The following TRPV4 variants were observed in gnomAD, a reference collection of about 807,000 sequenced individuals.
TRPV4 encodes OSM9-like transient receptor potential channel 4.
Under a neutral mutation model 84.1 loss-of-function variants are expected in TRPV4, and 58 were observed. The observed-to-expected ratio is 0.69, with a 90% CI of 0.56 to 0.86. TRPV4 has a LOEUF of 0.86. TRPV4 is among the 40% of genes least tolerant of loss of function. The probability of loss-of-function intolerance (pLI) is 0.00; values close to 1 mark genes in which losing one functional copy is unlikely to be tolerated. For missense variants in TRPV4, 879 were observed against 1,181.1 expected, an observed-to-expected ratio of 0.74 and a Z score of 3.75; for synonymous variants, 489 against 500.9, an observed-to-expected ratio of 0.98 and a Z score of 0.32.
intron 14 of TRPV4, among the ~76,000 whole-genome samples, chr12:109,784,645 C>T (rs1427644780): frequency 6.6e-6 from 1 of 151,700 alleles, no homozygotes; most frequent in East Asian, 1.9e-4. Flanking sequence ...GCCTGGCCAA[C>T]ATGGTGAAAC....
At chr12:109,812,838 G>T (rs1891604887) in intron 2 of TRPV4, among the ~76,000 whole-genome samples, 1 of 152,182 alleles carries the variant, frequency 6.6e-6, no homozygotes, top group South Asian at 2.1e-4. Flanking sequence ...TGGTTATATG[G>T]GTGTATGGCT....
chr12:109,813,137 T>A (rs1891625325), intron 2 of TRPV4, among the ~76,000 whole-genome samples: 1 of 152,088 alleles, frequency 6.6e-6, no homozygotes, highest in African/African-American at 2.4e-5. Context: ...TGAGGCGGGA[T>A]GCGGTGGCTC....
At chr12:109,818,818 G>A (rs770880694) in intron 1 of TRPV4, among the ~76,000 whole-genome samples, 6 of 152,034 alleles carry the variant, frequency 3.9e-5, no homozygotes, top group Admixed American at 1.3e-4. Flanking sequence ...ATGCACACAC[G>A]TGCCAGCACT....
At chr12:109,795,844 G>A (rs1254366698) in intron 7 of TRPV4, among the ~76,000 whole-genome samples, 1 of 152,050 alleles carries the variant, frequency 6.6e-6, no homozygotes, top group Non-Finnish European at 1.5e-5. Context: ...ACCTCCCCAG[G>A]CTCAGGTGAT....
intron 1 of TRPV4, among the ~76,000 whole-genome samples, chr12:109,817,943 G>A (rs1241751411): frequency 6.6e-6 from 1 of 151,956 alleles, no homozygotes; most frequent in African/African-American, 2.4e-5. Flanking sequence ...AAATGACCCA[G>A]CCCACAATGT....
chr12:109,827,861 TATACACACATACAC>T (rs1320393104), intron 1 of TRPV4, among the ~76,000 whole-genome samples: 1 of 151,176 alleles, frequency 6.6e-6, no homozygotes, highest in East Asian at 1.9e-4. Flanking sequence ...TAGACATACA[TATACACACATACAC>T]ATACACACAC....
At chr12:109,812,960 G>A (rs1165993393) in intron 2 of TRPV4, among the ~76,000 whole-genome samples, 1 of 152,152 alleles carries the variant, frequency 6.6e-6, no homozygotes, top group Non-Finnish European at 1.5e-5. Flanking sequence ...GTAAATGAAT[G>A]AGTAGATGAT....
At chr12:109,784,840 C>CAAA (rs11443576) in intron 14 of TRPV4, among the ~76,000 whole-genome samples, 7 of 83,800 alleles carry the variant, frequency 8.4e-5, no homozygotes, top group Non-Finnish European at 1.1e-4. Flanking sequence ...GACTCCATCT[C>CAAA]AAAAAAAAAA....
rs1889832543 is a variant in TRPV4 at position 109,788,427 on chromosome 12, C to T, written c.2181G>A (p.Lys727=). The change falls in exon 13 of 16, where the codon AAG becomes AAA. Residue 727 remains lysine, a synonymous_variant. Transcript: ENST00000261740. ...LMGETVGQVS[K]ESKHIWKLQW... ...GCAGCTTCCAGATGTGCTTGCTCTC[C>T]TTGGAGACCTGGCCCACTGTCTCGC... 1 of 1,614,012 alleles carries T rather than the reference C, an allele frequency of 6.2e-7. No individual in the cohort carries two copies. Among genetic ancestry groups the T allele is most frequent in the Non-Finnish European group, 8.5e-7 (1 of 1,180,010 alleles).
Position 109,796,563 on chromosome 12 carries a change from A to C in TRPV4, c.1294T>G (p.Ser432Ala), listed in dbSNP as rs1242043918. Residue 432 changes from serine to alanine, a missense_variant, in exon 7 of 16, where the codon TCC becomes GCC. Around this residue, in one of 4 missense-constraint regions of TRPV4, gnomAD observed 521 missense variants for 686.6 expected, o/e 0.76. Coordinates refer to ENST00000261740, the MANE Select transcript of TRPV4 (RefSeq NM_021625.5). This position sits in a 1 kb window ranked among gnomAD's most constrained non-coding sequence, Gnocchi z 4.2. The part of the protein sequence containing the change: ...SSLDTCGEEA[S>A]VLEILVYNSK... ...TTGTACACCAGGATCTCCAGCACGG[A>C]GGCCTCTTCCCCACACGTGTCCAGG... The C allele has an allele frequency of 2.5e-6, 4 of 1,614,152 alleles. No homozygotes were observed. The East Asian group carries it at 8.9e-5, about 36-fold the overall frequency.
intron 1 of TRPV4, among the ~76,000 whole-genome samples, chr12:109,827,076 G>A (rs1263682825): frequency 6.6e-6 from 1 of 152,210 alleles, no homozygotes; most frequent in East Asian, 1.9e-4. Flanking sequence ...GACGGGCTTA[G>A]TCATTCTCTC....
At chr12:109,813,545 G>T (rs1038604537) in intron 2 of TRPV4, among the ~76,000 whole-genome samples, 1 of 147,450 alleles carries the variant, frequency 6.8e-6, no homozygotes, top group African/African-American at 2.7e-5. Context: ...ATTTGCATTT[G>T]TATAAATGAG....
chr12:109,810,065 GAT>G (rs1271480499), intron 2 of TRPV4, among the ~76,000 whole-genome samples: 3 of 152,160 alleles, frequency 2.0e-5, no homozygotes, highest in Non-Finnish European at 4.4e-5. Context: ...GAAGAGAAGA[GAT>G]AGAGAGAGAA....
chr12:109,800,719 T>C lies in TRPV4; in HGVS notation c.752A>G (p.Lys251Arg), dbSNP rs1890725320. ...GGCCACGAGAAGTTCCACGTAGTGTTTGCAGCGACGCTCAATGGCGATGTG... is the reference window on the plus strand; with the variant it reads ...GGCCACGAGAAGTTCCACGTAGTGTCTGCAGCGACGCTCAATGGCGATGTG... The part of the protein sequence containing the change: ...ALHIAIERRC[K>R]HYVELLVAQG... Residue 251 changes from lysine (K) to arginine (R), a missense_variant, in exon 5 of 16, where the codon AAA becomes AGA. Physicochemically the swap from Lys to Arg is conservative, Grantham distance 26. This residue lies in a region of TRPV4 where 521 missense variants were observed against 686.6 expected (regional missense o/e 0.76). Coordinates refer to ENST00000261740, the MANE Select transcript of TRPV4 (RefSeq NM_021625.5). 5.6e-6 allele frequency: 9 copies of C among 1,614,054 alleles called. No homozygotes were observed. Among genetic ancestry groups the C allele is most frequent in the Non-Finnish European group, 6.8e-6 (8 of 1,180,012 alleles).
chr12:109,786,670 G>A lies in TRPV4; in HGVS notation c.2336+40C>T. Reference sequence around the variant, plus strand: ...CAGGGGCCCCGAGCCAGTGGGGACAGTTCCGCCCTGCCATCCTGGCCCCAC... The same window carrying A: ...CAGGGGCCCCGAGCCAGTGGGGACAATTCCGCCCTGCCATCCTGGCCCCAC... On this transcript the variant is annotated intron_variant, in intron 14 of 15. Coordinates refer to ENST00000261740, the MANE Select transcript of TRPV4 (RefSeq NM_021625.5). The surrounding 1 kb of genome is among the most constrained non-coding windows in gnomAD (Gnocchi z 4.5). 6.2e-7 allele frequency: 1 copy of A among 1,612,292 alleles called. No homozygotes were observed. Among genetic ancestry groups the A allele is most frequent in the Non-Finnish European group, 8.5e-7 (1 of 1,179,764 alleles).
At position 109,814,650 on chromosome 12, in the gene TRPV4, G is replaced by T; in HGVS notation, c.147C>A (p.Pro49=). ...CAGGGCGACTGGCATCAGCCGGTGA[G>T]GGCGAAAGGGAGCCATCCTCCCCCT... ...LFEGEDGSLS[P]SPADASRPAG... The change falls in exon 2 of 16, where the codon CCC becomes CCA. Residue 49 remains proline (P), a synonymous_variant. Transcript: ENST00000261740. This position sits in a 1 kb window ranked among gnomAD's most constrained non-coding sequence, Gnocchi z 5.4. 1 of 1,613,568 alleles carries T rather than the reference G, an allele frequency of 6.2e-7. No individual in the cohort carries two copies. Among genetic ancestry groups the T allele is most frequent in the Non-Finnish European group, 8.5e-7 (1 of 1,179,906 alleles).
At chr12:109,807,728 G>A (rs1417322697) in intron 3 of TRPV4, among the ~76,000 whole-genome samples, 2 of 152,216 alleles carry the variant, frequency 1.3e-5, no homozygotes, top group Non-Finnish European at 2.9e-5. Flanking sequence ...GGACAAGGCT[G>A]AAGGGTTAGC....
At chr12:109,785,425 T>A (rs570482740) in intron 14 of TRPV4, among the ~76,000 whole-genome samples, 78 of 152,102 alleles carry the variant, frequency 5.1e-4, no homozygotes, top group African/African-American at 1.8e-3. Context: ...TTCATTTTTG[T>A]TTGTTTGTTT....
At position 109,783,752 on chromosome 12, in the gene TRPV4, C is replaced by T. The variant is rs774612613; in HGVS notation, c.2485G>A (p.Val829Met). The T allele has an allele frequency of 5.0e-6, 8 of 1,612,870 alleles. No individual in the cohort carries two copies. The highest frequency in any genetic ancestry group is 1.3e-5 in the African/African-American group (1 of 74,724). Residue 829 changes from valine to methionine, a missense_variant, in exon 16 of 16, where the codon GTG becomes ATG. Val to Met is a conservative substitution (Grantham distance 21). This residue lies in a region of TRPV4 where 242 missense variants were observed against 355.3 expected (regional missense o/e 0.68). Transcript: ENST00000261740. This position sits in a 1 kb window ranked among gnomAD's most constrained non-coding sequence, Gnocchi z 4.6. ...TTCGAGTTCTTGTTCAGTTCCACCA[C>T]GCGGGGTACCACCGAGGACCAGCGA... Reference protein sequence around the residue: ...RDRWSSVVPRVVELNKNSNPD... With the variant: ...RDRWSSVVPRMVELNKNSNPD...
Sources: gnomAD v4.1 joint callset for allele counts (sites outside exome capture counted in the v4.1 genomes callset) on GRCh38, gnomAD v4.1.1 for gene constraint, gnomAD v4.1.1 regional missense constraint, Gnocchi (gnomAD v3.1) non-coding constraint, MANE v1.5 for transcripts, NCBI Gene and HGNC (gene_info 2026-07-23, HGNC 2026-07-21) for gene names.